STOML3: variants seen among roughly 807,000 people sequenced by gnomAD.
The protein encoded by STOML3 is stomatin like 3.
Under a neutral mutation model 29.5 loss-of-function variants are expected in STOML3, and 31 were observed. The ratio of observed to expected loss-of-function variants is 1.05; its 90% CI spans 0.79 to 1.42. The LOEUF (loss-of-function observed/expected upper bound fraction) is 1.42. Among genes scored for constraint, STOML3 ranks in the 40% most tolerant of loss-of-function variants. The pLI, the probability that STOML3 is intolerant of heterozygous loss-of-function variation, is 0.00. For missense variants in STOML3, 380 were observed against 363.0 expected (o/e 1.05, Z -0.38); for synonymous variants, 122 against 139.8 (o/e 0.87, Z 0.90).
chr13:38,970,490 T>A, intron 4 of STOML3, 102 bp from the exon 5 acceptor site: 1 of 922,318 alleles, frequency 1.1e-6, no homozygotes, highest in Non-Finnish European at 1.7e-6. Flanking sequence ...AGGAGAGCAG[T>A]AACGACAACT....
chr13:38,990,029 G>C (rs1178720828), intron 1 of STOML3, among the ~76,000 whole-genome samples: 1 of 151,968 alleles, frequency 6.6e-6, no homozygotes, highest in Non-Finnish European at 1.5e-5. Context: ...GATTCTAAGA[G>C]GATCTACCTC....
In STOML3 at chr13:38,968,417, G is replaced by T; in HGVS notation, c.634C>A (p.Arg212=). The part of the protein sequence containing the change: ...RSMAAEAEAT[R]EARAKVLAAE... ...ACACTTACCTTGGCTCTCGCTTCCC[G>T]GGTGGCCTCAGCCTCGGCTGCCATG... The change falls in exon 6 of 7, where the codon CGG becomes AGG. Residue 212 remains arginine (R), a synonymous_variant. Transcript: ENST00000379631. 6.2e-7 allele frequency: 1 copy of T among 1,613,982 alleles called. No individual in the cohort carries two copies. Among genetic ancestry groups the T allele is most frequent in the African/African-American group, 1.3e-5 (1 of 74,998 alleles).
At position 38,976,651 on chromosome 13, in the gene STOML3, G is replaced by C. The variant is rs750024060; in HGVS notation, c.157-39C>G. ...GGCGAACGTTTAGTCCTAATGGTTTGTCAGTTCATATAGATAGCCCAGTTT... is the reference window on the plus strand; with the variant it reads ...GGCGAACGTTTAGTCCTAATGGTTTCTCAGTTCATATAGATAGCCCAGTTT... On this transcript the variant is annotated intron_variant, in intron 2 of 6. Coordinates refer to ENST00000379631, the MANE Select transcript of STOML3 (RefSeq NM_145286.3). The C allele has an allele frequency of 5.6e-6, 9 of 1,613,984 alleles. 1 individual carries two copies. The South Asian group carries it at 9.9e-5, about 18-fold the overall frequency.
intron 1 of STOML3, chr13:38,980,109 G>A: frequency 6.4e-7 from 1 of 1,551,660 alleles, no homozygotes; most frequent in Non-Finnish European, 8.7e-7. Context: ...TGCACATGAG[G>A]CTCAGCTCCA....
intron 4 of STOML3, among the ~76,000 whole-genome samples, chr13:38,971,753 T>G (rs920300405): frequency 5.3e-5 from 8 of 151,986 alleles, no homozygotes; most frequent in Non-Finnish European, 2.9e-5. Context: ...GGTGAAACCC[T>G]GTCTCCACTA....
rs1333511243 is a variant in STOML3, at chr13:38,988,333, AT to A, written c.52+2336del. On this transcript the variant is annotated intron_variant, in intron 1 of 6. Coordinates refer to ENST00000379631, the MANE Select transcript of STOML3 (RefSeq NM_145286.3). ...ATATATAATATATTATATTTTATAT[AT>A]AATATATTATATTTTATATCATATA... Among the ~76,000 whole-genome samples the A allele has an allele frequency of 2.5e-5, 2 of 79,110 alleles. 1 individual carries two copies. The highest frequency in any genetic ancestry group is 1.4e-4 in the African/African-American group (2 of 13,838). The allele number at this position is 79,110 out of a possible 152,430, so 51.9% of individuals were successfully genotyped here.
chr13:38,980,996 A>G (rs1881251051), intron 1 of STOML3, among the ~76,000 whole-genome samples: 1 of 152,210 alleles, frequency 6.6e-6, no homozygotes, highest in African/African-American at 2.4e-5. Flanking sequence ...ATATTTAATC[A>G]ATACCTTCCT....
rs1427436201 is a variant in STOML3 at position 38,988,213 on chromosome 13, TATG to T, written c.52+2454_52+2456del. 1.5e-4 allele frequency among the ~76,000 whole-genome samples: 11 copies of T among 74,056 alleles called. 1 individual carries two copies. The highest frequency in any genetic ancestry group is 1.9e-4 in the Non-Finnish European group (9 of 48,098). 48.6% of individuals were successfully genotyped at this position (74,056 alleles called of 152,430 possible). A position where few individuals can be genotyped will look rare whatever the true frequency, so the allele number is the denominator to read the frequency against. The stretch of plus-strand genomic sequence containing the variant: ...AATATATTATATTTCATATAAAATA[TATG>T]ATATTTTATATCATATATTTTATAT... On this transcript the variant is annotated intron_variant, in intron 1 of 6. Coordinates refer to ENST00000379631, the MANE Select transcript of STOML3 (RefSeq NM_145286.3).
At chr13:38,970,114 A>T in intron 5 of STOML3, 71 bp downstream of exon 5, 1 of 1,439,202 alleles carries the variant, frequency 6.9e-7, no homozygotes, top group Non-Finnish European at 9.6e-7. Context: ...TGAACTGCTG[A>T]CATTTAATAA....
chr13:38,974,408 T>A (rs542520242), intron 3 of STOML3, among the ~76,000 whole-genome samples: 1 of 152,218 alleles, frequency 6.6e-6, no homozygotes, highest in Non-Finnish European at 1.5e-5. Context: ...CAGGTCACTG[T>A]GGTTAAGATC....
At chr13:38,981,322 A>G (rs1193347414) in intron 1 of STOML3, among the ~76,000 whole-genome samples, 1 of 152,172 alleles carries the variant, frequency 6.6e-6, no homozygotes, top group East Asian at 1.9e-4. Flanking sequence ...CCTGGTGCTT[A>G]GATACAGCTG....
chr13:38,971,567 T>C (rs189094977), intron 4 of STOML3, among the ~76,000 whole-genome samples: 16 of 152,344 alleles, frequency 1.1e-4, no homozygotes, highest in African/African-American at 3.6e-4. Flanking sequence ...GGTAACTCTA[T>C]TCCTCTTCCC....
At chr13:38,969,040 T>C (rs936212295) in intron 5 of STOML3, among the ~76,000 whole-genome samples, 1 of 152,210 alleles carries the variant, frequency 6.6e-6, no homozygotes, top group African/African-American at 2.4e-5. Context: ...ATGGAGACAA[T>C]ACATATAAGA....
At chr13:38,978,610 A>G (rs912489895) in intron 1 of STOML3, among the ~76,000 whole-genome samples, 1 of 152,164 alleles carries the variant, frequency 6.6e-6, no homozygotes, top group African/African-American at 2.4e-5. Context: ...CAAACGCCAT[A>G]TACTGTCTAT....
rs763296004 is a variant in STOML3 at position 38,976,727 on chromosome 13, A to G, written c.123T>C (p.Ile41=). Residue 41 remains isoleucine, a synonymous_variant, in exon 2 of 7, where the codon ATT becomes ATC. Transcript: ENST00000379631. ...LFSLSFLLVI[I]TFPISIWMCL... ...ACATCCATATGGAGATGGGGAAGGT[A>G]ATGATCACCAACAGGAAAGAGAGGG... The G allele has an allele frequency of 3.1e-6, 5 of 1,614,056 alleles. No homozygotes were observed. Among genetic ancestry groups the G allele is most frequent in the Non-Finnish European group, 3.4e-6 (4 of 1,179,974 alleles).
chr13:38,990,606 T>C, intron 1 of STOML3, 64 bp downstream of exon 1: 3 of 1,552,028 alleles, frequency 1.9e-6, no homozygotes, highest in East Asian at 2.2e-5. Context: ...CTGTCTATAA[T>C]GCTACAACTC....
chr13:38,979,243 C>G (rs772292198), intron 1 of STOML3, among the ~76,000 whole-genome samples: 3 of 152,170 alleles, frequency 2.0e-5, no homozygotes, highest in Non-Finnish European at 2.9e-5. Context: ...TATCATTACA[C>G]AAGATGGAAA....
At chr13:38,982,719 A>G (rs1012585344) in intron 1 of STOML3, among the ~76,000 whole-genome samples, 5 of 152,324 alleles carry the variant, frequency 3.3e-5, no homozygotes, top group East Asian at 1.9e-4. Context: ...TAAGATGGTT[A>G]CAAGTTGAAA....
Position 38,965,940 on chromosome 13 carries a change from A to G in STOML3, c.*885T>C, listed in dbSNP as rs1880624380. On this transcript the variant is annotated 3_prime_UTR_variant, in exon 7 of 7. Transcript: ENST00000379631. Reference sequence around the variant, plus strand: ...TCCCAAAAAGTAACTTTTGAAATTCATTTATATTCTATGCCTTCTTTGTTT... The same window carrying G: ...TCCCAAAAAGTAACTTTTGAAATTCGTTTATATTCTATGCCTTCTTTGTTT... 1 of 152,078 alleles carries G rather than the reference A, an allele frequency of 6.6e-6. No homozygotes were observed. The highest frequency in any genetic ancestry group is 2.4e-5 in the African/African-American group (1 of 41,404). 9.4% of individuals were successfully genotyped at this position (152,078 alleles called of 1,614,324 possible).
Sources: gnomAD v4.1 joint callset for allele counts (sites outside exome capture counted in the v4.1 genomes callset) on GRCh38, gnomAD v4.1.1 for gene constraint, MANE v1.5 for transcripts, NCBI Gene and HGNC (gene_info 2026-07-23, HGNC 2026-07-21) for gene names.